Variants in ANKRD44 observed in about 807,000 individuals in gnomAD.
The protein encoded by ANKRD44 is ankyrin repeat domain 44.
In ANKRD44, 35 loss-of-function variants were observed where a neutral mutation model predicts 116.0. That is an observed-to-expected ratio of 0.30 (90% CI 0.23 to 0.40). The LOEUF (loss-of-function observed/expected upper bound fraction) is 0.40, where lower values mean the gene tolerates loss of function less well. Ranked by LOEUF, ANKRD44 falls within the 10% of genes least tolerant of loss-of-function variation. The pLI is 1.00. For missense variants in ANKRD44, 1,014 were observed against 1,242.6 expected (o/e 0.82, Z 2.77); for synonymous variants, 435 against 461.8 (o/e 0.94, Z 0.74).
intron 16 of ANKRD44, chr2:197,030,004 C>T (rs928075012): frequency 2.4e-5 from 4 of 168,358 alleles, no homozygotes; most frequent in Non-Finnish European, 3.8e-5. Flanking sequence ...GCAGTCTTCA[C>T]CACCCATATT....
chr2:196,978,139 T>A (rs1295546702), intron 21 of ANKRD44, among the ~76,000 whole-genome samples: 1 of 152,164 alleles, frequency 6.6e-6, no homozygotes, highest in Non-Finnish European at 1.5e-5. Flanking sequence ...GGGGGCCTGG[T>A]GGGAGGTGTT....
chr2:197,158,050 G>C (rs1208980891), intron 2 of ANKRD44, among the ~76,000 whole-genome samples: 1 of 152,174 alleles, frequency 6.6e-6, no homozygotes, highest in African/African-American at 2.4e-5. Flanking sequence ...CATGGGAAAG[G>C]GTTCTGGTCC....
At chr2:197,276,985 C>T (rs571330127) in intron 1 of ANKRD44, among the ~76,000 whole-genome samples, 14 of 148,890 alleles carry the variant, frequency 9.4e-5, no homozygotes, top group East Asian at 3.9e-4. Flanking sequence ...TGGAGTACAG[C>T]GGCGCAATCT....
At chr2:197,137,127 A>T (rs931830649) in intron 3 of ANKRD44, among the ~76,000 whole-genome samples, 1 of 152,140 alleles carries the variant, frequency 6.6e-6, no homozygotes, top group African/African-American at 2.4e-5. Context: ...GCCATTCTCC[A>T]TGATCACCAG....
intron 9 of ANKRD44, among the ~76,000 whole-genome samples, chr2:197,110,144 T>G (rs1306755869): frequency 6.6e-6 from 1 of 152,108 alleles, no homozygotes; most frequent in Non-Finnish European, 1.5e-5. Flanking sequence ...TCCTGGCTAA[T>G]TTTTGTATTT....
intron 1 of ANKRD44, among the ~76,000 whole-genome samples, chr2:197,219,217 A>C (rs943502465): frequency 3.3e-5 from 5 of 151,526 alleles, no homozygotes; most frequent in Non-Finnish European, 7.4e-5. Context: ...CTACAGGCAT[A>C]TGCCACCACA....
chr2:196,971,042 C>T (rs2075711852), intron 21 of ANKRD44, among the ~76,000 whole-genome samples: 1 of 152,070 alleles, frequency 6.6e-6, no homozygotes, highest in Non-Finnish European at 1.5e-5. Context: ...TAGCCCTTGT[C>T]CATAGGCATA....
At chr2:197,288,647 T>C (rs562366461) in intron 1 of ANKRD44, among the ~76,000 whole-genome samples, 184 of 151,700 alleles carry the variant, frequency 1.2e-3, no homozygotes, top group Non-Finnish European at 2.1e-3. Flanking sequence ...ACACACGTGA[T>C]ATATATATAT....
intron 16 of ANKRD44, chr2:197,029,872 C>T (rs373290889): frequency 1.4e-4 from 35 of 245,568 alleles, no homozygotes; most frequent in Middle Eastern, 1.6e-3. Flanking sequence ...AATACAATGA[C>T]CTTTAGACAT....
rs539536157 is a variant in ANKRD44 at position 197,060,157 on chromosome 2, C to T, written c.1650+18546G>A. Among the ~76,000 whole-genome samples the T allele has an allele frequency of 5.4e-3, 825 of 152,236 alleles. 4 individuals are homozygous for T. Among genetic ancestry groups the T allele is most frequent in the Non-Finnish European group, 8.8e-3 (596 of 68,002 alleles). ...ATAGAAATACAGAATTCTAACAGAGCAACTACTGTATCTTGTCATAGTTAT... is the reference window on the plus strand; with the variant it reads ...ATAGAAATACAGAATTCTAACAGAGTAACTACTGTATCTTGTCATAGTTAT... On this transcript the variant is annotated intron_variant, in intron 16 of 27. Coordinates refer to ENST00000282272, the MANE Select transcript of ANKRD44 (RefSeq NM_001195144.2).
At chr2:197,218,219 A>G (rs1169198271) in intron 1 of ANKRD44, among the ~76,000 whole-genome samples, 1 of 152,170 alleles carries the variant, frequency 6.6e-6, no homozygotes, top group Non-Finnish European at 1.5e-5. Flanking sequence ...CAATAGAAGG[A>G]ATGAAAGATG....
At chr2:197,188,325 C>T (rs143878167) in intron 1 of ANKRD44, among the ~76,000 whole-genome samples, 1 of 152,248 alleles carries the variant, frequency 6.6e-6, no homozygotes, top group African/African-American at 2.4e-5. Flanking sequence ...AGGAAGGCAC[C>T]TTAATGAATA....
chr2:197,058,397 CTTT>C (rs34959135), intron 16 of ANKRD44, among the ~76,000 whole-genome samples: 1 of 142,180 alleles, frequency 7.0e-6, no homozygotes. Context: ...GGCTGTGAAT[CTTT>C]TTTTTTTTTT....
rs544630337 is a variant in ANKRD44 at position 197,100,229 on chromosome 2, G to A, written c.986-299C>T. ...AGGCGGGCAGATCACGAGGTCAGGA[G>A]TTTCAGACCAGCCTGACCAACATGG... On this transcript the variant is annotated intron_variant, in intron 9 of 27. Coordinates refer to ENST00000282272, the MANE Select transcript of ANKRD44 (RefSeq NM_001195144.2). Among the ~76,000 whole-genome samples the A allele has an allele frequency of 1.9e-4, 29 of 152,296 alleles. No individual in the cohort carries two copies. The South Asian group carries it at 5.8e-3, about 30-fold the overall frequency.
At chr2:197,008,401 G>C (rs2076238565) in intron 19 of ANKRD44, among the ~76,000 whole-genome samples, 1 of 152,234 alleles carries the variant, frequency 6.6e-6, no homozygotes, top group African/African-American at 2.4e-5. Context: ...ATGCAAGAGG[G>C]AGGTGAGATT....
chr2:197,258,270 CTTTTTTT>C (rs71395680), intron 1 of ANKRD44, among the ~76,000 whole-genome samples: 11 of 79,222 alleles, frequency 1.4e-4, no homozygotes, highest in Admixed American at 5.0e-4. Context: ...TTGGCTAATC[CTTTTTTT>C]TTTTTTTTTT....
chr2:197,261,019 C>T (rs545002741), intron 1 of ANKRD44, among the ~76,000 whole-genome samples: 4,464 of 151,548 alleles, frequency 0.029, 95 homozygotes, highest in Non-Finnish European at 0.046. Flanking sequence ...TTCTCCCATT[C>T]TGTAGGTTGC....
chr2:197,172,344 G>A (rs1484222098), intron 2 of ANKRD44, among the ~76,000 whole-genome samples: 1 of 152,030 alleles, frequency 6.6e-6, no homozygotes, highest in Admixed American at 6.6e-5. Context: ...GTTGATAAAG[G>A]TGGTAGGTAA....
chr2:197,061,835 C>A (rs930692884), intron 16 of ANKRD44, among the ~76,000 whole-genome samples: 7 of 147,096 alleles, frequency 4.8e-5, no homozygotes, highest in African/African-American at 1.8e-4. Flanking sequence ...GGCTGGAGTG[C>A]AATGGTACAA....
Sources: allele counts gnomAD v4.1 joint callset (sites outside exome capture counted in the v4.1 genomes callset), GRCh38; gene constraint gnomAD v4.1.1; transcripts MANE v1.5; gene names NCBI Gene and HGNC (gene_info 2026-07-23, HGNC 2026-07-21).